Variants in TANC2 observed in about 807,000 individuals in gnomAD.
The protein encoded by TANC2 is tetratricopeptide repeat, ankyrin repeat and coiled-coil containing 2.
In TANC2, 26 loss-of-function variants were observed where a neutral mutation model predicts 210.5. That is an observed-to-expected ratio of 0.12 (90% confidence interval 0.09 to 0.17). The LOEUF is 0.17. Ranked by LOEUF, TANC2 falls within the 10% of genes least tolerant of loss-of-function variation. The probability of loss-of-function intolerance (pLI) is 1.00; values close to 1 mark genes in which losing one functional copy is unlikely to be tolerated. For missense variants in TANC2, 2,129 were observed against 2,608.9 expected, an observed-to-expected ratio of 0.82 and a Z score of 4.01; for synonymous variants, 931 against 967.1, an observed-to-expected ratio of 0.96 and a Z score of 0.69.
At chr17:63,240,817 C>G (rs2042753702) in intron 8 of TANC2, among the ~76,000 whole-genome samples, 1 of 152,204 alleles carries the variant, frequency 6.6e-6, no homozygotes, top group African/African-American at 2.4e-5. Context: ...ATGAAACTTT[C>G]TCCAGTCATC....
intron 3 of TANC2, among the ~76,000 whole-genome samples, chr17:63,097,006 C>T (rs1033199645): frequency 6.7e-6 from 1 of 149,500 alleles, no homozygotes; most frequent in Non-Finnish European, 1.5e-5. Flanking sequence ...TGTGTATCTT[C>T]TTTGGAGAAA....
At chr17:63,115,767 T>A (rs1324532467) in intron 4 of TANC2, among the ~76,000 whole-genome samples, 1 of 152,236 alleles carries the variant, frequency 6.6e-6, no homozygotes, top group Non-Finnish European at 1.5e-5. Flanking sequence ...GTATTTATTT[T>A]TTTCTATTCC....
rs143462244 is a variant in TANC2 at position 63,359,473 on chromosome 17, A to G, written c.2582+4083A>G. Among the ~76,000 whole-genome samples, 1,131 of 151,872 alleles carry G rather than the reference A, an allele frequency of 7.4e-3. 15 individuals are homozygous for G. The highest frequency in any genetic ancestry group is 0.025 in the African/African-American group (1,028 of 41,394). ...ATTCTCCTGCCTCAGCCTCCCAAGT[A>G]GCTGGGATATTACAGGTACCTGCTA... On this transcript the variant is annotated intron_variant, in intron 14 of 27. Coordinates refer to ENST00000689528, the Ensembl canonical transcript of TANC2.
intron 9 of TANC2, among the ~76,000 whole-genome samples, chr17:63,276,344 C>T (rs1259752105): frequency 6.6e-6 from 1 of 152,064 alleles, no homozygotes; most frequent in African/African-American, 2.4e-5. Context: ...ATACTTAAAA[C>T]AACTGTATTG....
chr17:63,407,043 T>C (rs1268591941), intron 21 of TANC2, among the ~76,000 whole-genome samples: 2 of 152,234 alleles, frequency 1.3e-5, no homozygotes, highest in African/African-American at 2.4e-5. Flanking sequence ...GCACATGTAC[T>C]TTCCTTCAAG....
chr17:63,015,428 A>G (rs965939850), intron 2 of TANC2, among the ~76,000 whole-genome samples: 1 of 152,020 alleles, frequency 6.6e-6, no homozygotes, highest in East Asian at 1.9e-4. Context: ...TTAACTCGTC[A>G]TTTACATTAG....
At chr17:63,120,455 G>A (rs2038418593) in intron 4 of TANC2, among the ~76,000 whole-genome samples, 1 of 152,088 alleles carries the variant, frequency 6.6e-6, no homozygotes, top group Non-Finnish European at 1.5e-5. Flanking sequence ...TACTTTGGAT[G>A]ATCATTTAGC....
chr17:63,318,428 G>GT (rs2045384007), intron 10 of TANC2, among the ~76,000 whole-genome samples: 1 of 152,174 alleles, frequency 6.6e-6, no homozygotes, highest in Admixed American at 6.5e-5. Flanking sequence ...TCACCATAAT[G>GT]TAACTTTAGG....
At chr17:63,113,508 T>C (rs2038132954) in intron 4 of TANC2, among the ~76,000 whole-genome samples, 1 of 152,154 alleles carries the variant, frequency 6.6e-6, no homozygotes, top group Non-Finnish European at 1.5e-5. Flanking sequence ...TATTTCATTT[T>C]ACTTATTTTT....
At chr17:63,010,139 A>G (rs1379508491) in intron 2 of TANC2, among the ~76,000 whole-genome samples, 2 of 152,184 alleles carry the variant, frequency 1.3e-5, no homozygotes, top group African/African-American at 4.8e-5. Context: ...AAAAATATTG[A>G]AAAGAAATGT....
intron 9 of TANC2, among the ~76,000 whole-genome samples, chr17:63,300,154 G>T (rs1349063358): frequency 1.3e-5 from 2 of 152,078 alleles, no homozygotes; most frequent in Non-Finnish European, 2.9e-5. Flanking sequence ...GTATGTTTTG[G>T]TACCAGTACC....
chr17:63,354,539 A>G (rs1049230701), intron 13 of TANC2, among the ~76,000 whole-genome samples: 1 of 152,196 alleles, frequency 6.6e-6, no homozygotes, highest in East Asian at 1.9e-4. Flanking sequence ...CGATCATGAA[A>G]TCACTCCAAA....
At chr17:63,388,739 C>G (rs2047865259) in exon 16 of TANC2, 3 of 1,559,536 alleles carry the variant, frequency 1.9e-6, no homozygotes, top group Non-Finnish European at 1.7e-6. Context: ...TACGAAATCT[C>G]TACACTCCAA....
chr17:63,200,380 A>G (rs2041492521), intron 6 of TANC2, among the ~76,000 whole-genome samples: 1 of 150,978 alleles, frequency 6.6e-6, no homozygotes, highest in South Asian at 2.1e-4. Context: ...AAAAAAAGAA[A>G]GAAAGAAAGA....
intron 18 of TANC2, 49 bp downstream of exon 18, chr17:63,395,977 C>A: frequency 6.7e-7 from 1 of 1,497,420 alleles, no homozygotes; most frequent in South Asian, 1.3e-5. Flanking sequence ...TATTGAAGGA[C>A]CCAGGAAACC....
chr17:63,200,597 C>T (rs983003769), intron 6 of TANC2, among the ~76,000 whole-genome samples, 174 bp from the exon 7 acceptor site: 2 of 151,778 alleles, frequency 1.3e-5, no homozygotes, highest in Non-Finnish European at 2.9e-5. Flanking sequence ...TCAAGTTTCA[C>T]ATTAATTTGT....
chr17:63,083,153 C>G lies in TANC2; in HGVS notation c.139+9139C>G, dbSNP rs142990650. ...TCACTTCTTCACTTCACCACTCCTTCAGGACCACCCCTGAATGGGGCTGCT... is the reference window on the plus strand; with the variant it reads ...TCACTTCTTCACTTCACCACTCCTTGAGGACCACCCCTGAATGGGGCTGCT... On this transcript the variant is annotated intron_variant, in intron 3 of 27. Transcript: ENST00000689528. 1.8e-3 allele frequency among the ~76,000 whole-genome samples: 277 copies of G among 152,334 alleles called. 1 individual carries two copies. Among genetic ancestry groups the G allele is most frequent in the Non-Finnish European group, 2.6e-3 (176 of 68,034 alleles).
intron 4 of TANC2, among the ~76,000 whole-genome samples, chr17:63,141,904 G>A (rs750828757): frequency 6.6e-6 from 1 of 152,156 alleles, no homozygotes; most frequent in Non-Finnish European, 1.5e-5. Context: ...TAGATGTAAT[G>A]TTGGAAAAAG....
intron 4 of TANC2, 116 bp from the exon 5 acceptor site, chr17:63,151,154 A>C: frequency 3.5e-6 from 1 of 288,870 alleles, no homozygotes. Context: ...TGACCCCTCT[A>C]TGTTTCTCTC....
Sources: gnomAD v4.1 joint callset for allele counts (sites outside exome capture counted in the v4.1 genomes callset) on GRCh38, gnomAD v4.1.1 for gene constraint, MANE v1.5 for transcripts, NCBI Gene and HGNC (gene_info 2026-07-23, HGNC 2026-07-21) for gene names.